Variants in ANKRD29 observed in about 807,000 individuals in gnomAD.
The protein encoded by ANKRD29 is ankyrin repeat domain-containing protein 29.
Under a neutral mutation model 38.0 loss-of-function variants are expected in ANKRD29, and 32 were observed. The ratio of observed to expected loss-of-function variants is 0.84; its 90% confidence interval spans 0.64 to 1.13. The LOEUF is 1.13. Among genes scored for constraint, ANKRD29 ranks in the 50% most tolerant of loss-of-function variants. ANKRD29 has a pLI of 0.00. For synonymous variants in ANKRD29, 135 were observed against 152.4 expected (o/e 0.89, Z 0.84); for missense variants, 357 against 377.9 (o/e 0.94, Z 0.46).
rs914546758 is a variant in ANKRD29 at position 23,603,846 on chromosome 18, C to CT, written c.823-2538dup. On this transcript the variant is annotated intron_variant, in intron 9 of 9. Coordinates refer to ENST00000592179, the MANE Select transcript of ANKRD29 (RefSeq NM_173505.4). The stretch of plus-strand genomic sequence containing the variant: ...GGATGCTAATCTGCCATGTTTACTT[C>CT]TTTTTTTTTTTTTTAAGACGGAGTC... Among the ~76,000 whole-genome samples, 1,026 of 142,772 alleles carry CT rather than the reference C, an allele frequency of 7.2e-3. 10 individuals are homozygous for CT. The highest frequency in any genetic ancestry group is 0.013 in the South Asian group (58 of 4,420). The allele number at this position is 142,772 out of a possible 152,430, so 93.7% of individuals were successfully genotyped here.
chr18:23,662,613 G>GCCCACACCAT (rs2060379875), intron 1 of ANKRD29, 97 bp downstream of exon 1: 1 of 401,510 alleles, frequency 2.5e-6, no homozygotes, highest in Admixed American at 4.9e-5. Context: ...AGCGGGCAGC[G>GCCCACACCAT]CCCACCCCAT....
rs542955887 is a variant in ANKRD29 at position 23,630,720 on chromosome 18, G to A, written c.430-769C>T. On this transcript the variant is annotated intron_variant, in intron 5 of 9. Coordinates refer to ENST00000592179, the MANE Select transcript of ANKRD29 (RefSeq NM_173505.4). ...AGGTTTCCACCTTTTTGTCAATGAA[G>A]AGCCAAATGTTAGATATACAAATCC... Among the ~76,000 whole-genome samples, 549 of 151,424 alleles carry A rather than the reference G, an allele frequency of 3.6e-3. 5 individuals are homozygous for A. The highest frequency in any genetic ancestry group is 5.1e-3 in the Non-Finnish European group (347 of 67,870).
chr18:23,656,837 G>T (rs1013441804), intron 1 of ANKRD29, among the ~76,000 whole-genome samples: 1 of 152,202 alleles, frequency 6.6e-6, no homozygotes, highest in African/African-American at 2.4e-5. Flanking sequence ...ACTGGCCTGG[G>T]ACTCTGCTCT....
At chr18:23,621,023 G>A (rs1349614781) in intron 6 of ANKRD29, among the ~76,000 whole-genome samples, 1 of 152,150 alleles carries the variant, frequency 6.6e-6, no homozygotes, top group East Asian at 1.9e-4. Context: ...ACCAGCACAA[G>A]GGCCACGCAT....
rs954146207 is a variant in ANKRD29 at position 23,599,194 on chromosome 18, T to A, written c.*2032A>T. The A allele has an allele frequency of 1.3e-5, 2 of 152,228 alleles. No homozygotes were observed. The highest frequency in any genetic ancestry group is 2.9e-5 in the Non-Finnish European group (2 of 68,032). The allele number at this position is 152,228 out of a possible 1,614,324, so 9.4% of individuals were successfully genotyped here. ...GTAGGTGATGATTCATTTTCCCTGC[T>A]ATGGGTAATCTCATCTAGATCAAAT... On this transcript the variant is annotated 3_prime_UTR_variant, in exon 10 of 10. Transcript: ENST00000592179.
chr18:23,604,007 T>A (rs1249533173), intron 9 of ANKRD29, among the ~76,000 whole-genome samples: 2 of 152,068 alleles, frequency 1.3e-5, no homozygotes, highest in African/African-American at 4.8e-5. Context: ...CATGCCCAGC[T>A]AATTTTTGTA....
intron 3 of ANKRD29, among the ~76,000 whole-genome samples, chr18:23,640,744 A>AT (rs35176961): frequency 6.6e-5 from 10 of 152,114 alleles, no homozygotes; most frequent in Admixed American, 2.0e-4. Flanking sequence ...GGCAACATAC[A>AT]TTTTTCCTAT....
At chr18:23,657,812 T>C (rs2060304226) in intron 1 of ANKRD29, among the ~76,000 whole-genome samples, 1 of 152,240 alleles carries the variant, frequency 6.6e-6, no homozygotes, top group South Asian at 2.1e-4. Flanking sequence ...TACCATGTTA[T>C]GGACTAAATG....
At chr18:23,612,629 G>A (rs1052406930) in intron 8 of ANKRD29, among the ~76,000 whole-genome samples, 22 of 152,186 alleles carry the variant, frequency 1.4e-4, no homozygotes, top group African/African-American at 5.3e-4. Context: ...TGACCTGTCA[G>A]ACCAGCTACA....
At chr18:23,620,035 A>G (rs2059777067) in intron 6 of ANKRD29, among the ~76,000 whole-genome samples, 1 of 152,152 alleles carries the variant, frequency 6.6e-6, no homozygotes, top group Non-Finnish European at 1.5e-5. Context: ...ACAAACCCAG[A>G]GAGAAGCCGG....
intron 9 of ANKRD29, among the ~76,000 whole-genome samples, chr18:23,602,787 A>C (rs1431998817): frequency 6.6e-6 from 1 of 152,020 alleles, no homozygotes; most frequent in Admixed American, 6.6e-5. Flanking sequence ...TCAAAAAGAA[A>C]AAAAAAAGAA....
At chr18:23,621,190 G>C (rs1308737522) in intron 6 of ANKRD29, among the ~76,000 whole-genome samples, 2 of 152,210 alleles carry the variant, frequency 1.3e-5, no homozygotes, top group Non-Finnish European at 2.9e-5. Flanking sequence ...AGCCAGATAA[G>C]ACTGAATTAC....
At chr18:23,647,379 A>T (rs1203554157) in intron 2 of ANKRD29, 1 of 152,226 alleles carries the variant, frequency 6.6e-6, no homozygotes, top group East Asian at 1.9e-4. Flanking sequence ...CGATAATTCA[A>T]TGTTAGGCTG....
intron 9 of ANKRD29, among the ~76,000 whole-genome samples, chr18:23,606,814 T>C (rs1489598876): frequency 3.9e-5 from 6 of 152,268 alleles, no homozygotes; most frequent in African/African-American, 1.4e-4. Flanking sequence ...CAGTTAGCTA[T>C]GATGGCAACA....
At chr18:23,615,952 A>G (rs2059708000) in intron 8 of ANKRD29, among the ~76,000 whole-genome samples, 1 of 136,602 alleles carries the variant, frequency 7.3e-6, no homozygotes, top group Non-Finnish European at 1.6e-5. Context: ...TAATATATAC[A>G]TACTATATGT....
At chr18:23,652,826 T>G (rs2060226584) in intron 1 of ANKRD29, among the ~76,000 whole-genome samples, 2 of 152,382 alleles carry the variant, frequency 1.3e-5, no homozygotes, top group Non-Finnish European at 1.5e-5. Context: ...GTTGAGATCT[T>G]GCTCTGTATC....
intron 8 of ANKRD29, among the ~76,000 whole-genome samples, chr18:23,614,745 A>G (rs2059689674): frequency 6.6e-6 from 1 of 152,074 alleles, no homozygotes; most frequent in Non-Finnish European, 1.5e-5. Flanking sequence ...AGGCCAACAC[A>G]TTGACAACAG....
chr18:23,630,999 A>T (rs2059924864), intron 5 of ANKRD29, among the ~76,000 whole-genome samples: 1 of 151,576 alleles, frequency 6.6e-6, no homozygotes, highest in South Asian at 2.1e-4. Flanking sequence ...AAAGAAAAAA[A>T]AATTGAGAGT....
At chr18:23,612,281 CTG>C in intron 8 of ANKRD29, 91 bp from the exon 9 acceptor site, 2 of 1,157,528 alleles carry the variant, frequency 1.7e-6, no homozygotes, top group South Asian at 2.8e-5. Context: ...GGTGATAAGA[CTG>C]TAACCTCATA....
Sources: allele counts gnomAD v4.1 joint callset (sites outside exome capture counted in the v4.1 genomes callset), GRCh38; gene constraint gnomAD v4.1.1; transcripts MANE v1.5; gene names NCBI Gene and HGNC (gene_info 2026-07-23, HGNC 2026-07-21).